The following CFHR3 variants were observed in gnomAD, a reference collection of about 807,000 sequenced individuals.
CFHR3 encodes the protein complement factor H related 3.
Under a neutral mutation model 36.0 loss-of-function variants are expected in CFHR3, and 22 were observed. The observed-to-expected ratio is 0.61, with a 90% CI of 0.44 to 0.87. The LOEUF (loss-of-function observed/expected upper bound fraction) is 0.87, where lower values mean the gene tolerates loss of function less well. CFHR3 is among the 40% of genes least tolerant of loss of function. The pLI is 0.00. For synonymous variants in CFHR3, 97 were observed against 137.4 expected (o/e 0.71, Z 2.06); for missense variants, 276 against 401.3 (o/e 0.69, Z 2.67).
intron 1 of CFHR3, among the ~76,000 whole-genome samples, chr1:196,776,187 A>C (rs1653710946): frequency 7.7e-6 from 1 of 129,498 alleles, no homozygotes; most frequent in Non-Finnish European, 1.6e-5. Context: ...TTACTTTCTT[A>C]AAAGCACTAT....
At chr1:196,782,588 G>A (rs1654001916) in intron 3 of CFHR3, among the ~76,000 whole-genome samples, 1 of 136,714 alleles carries the variant, frequency 7.3e-6, no homozygotes, top group Admixed American at 7.0e-5. Context: ...GTTCACTCAT[G>A]ATTTGGCTCT....
chr1:196,793,813 G>T lies in CFHR3; in HGVS notation c.*300G>T. On this transcript the variant is annotated 3_prime_UTR_variant, in exon 6 of 6. Coordinates refer to ENST00000367425, the MANE Select transcript of CFHR3 (RefSeq NM_021023.6). ...TGAATGGCTTTCTGCATATTGTATA[G>T]TATACCTAGACATAGAAACAAAATG... is the stretch of plus-strand genomic sequence containing the variant. 1 of 240,802 alleles carries T rather than the reference G, an allele frequency of 4.2e-6. No homozygotes were observed. Among genetic ancestry groups the T allele is most frequent in the Non-Finnish European group, 7.8e-6 (1 of 128,928 alleles). 14.9% of individuals were successfully genotyped at this position (240,802 alleles called of 1,614,324 possible). A position where few individuals can be genotyped will look rare whatever the true frequency, so the allele number is the denominator to read the frequency against.
intron 3 of CFHR3, among the ~76,000 whole-genome samples, chr1:196,787,566 A>C (rs1654259227): frequency 7.3e-6 from 1 of 137,390 alleles, no homozygotes; most frequent in African/African-American, 3.0e-5. Flanking sequence ...TACCTTGTAC[A>C]TATACCCATT....
Position 196,795,101 on chromosome 1 carries a change from TG to T in CFHR3, c.*1589del. 1 of 136,538 alleles carries T rather than the reference TG, an allele frequency of 7.3e-6. No individual in the cohort carries two copies. The highest frequency in any genetic ancestry group is 2.5e-4 in the South Asian group (1 of 3,938). The allele number at this position is 136,538 out of a possible 1,614,324, so 8.5% of individuals were successfully genotyped here. A position where few individuals can be genotyped will look rare whatever the true frequency, so the allele number is the denominator to read the frequency against. On this transcript the variant is annotated 3_prime_UTR_variant, in exon 6 of 6. Transcript: ENST00000367425. ...TCATAAATAAAATTTCAAAAATAAT[TG>T]CTGATATGGTTTGGCTGTGTCCCAC...
rs559069128 is a variant in CFHR3, at chr1:196,784,582, T to C, written c.431-3634T>C. Among the ~76,000 whole-genome samples the C allele has an allele frequency of 1.1e-4, 15 of 136,424 alleles. No homozygotes were observed. The East Asian group carries it at 2.9e-3, about 27-fold the overall frequency. 89.5% of individuals were successfully genotyped at this position (136,424 alleles called of 152,430 possible). A position where few individuals can be genotyped will look rare whatever the true frequency, so the allele number is the denominator to read the frequency against. On this transcript the variant is annotated intron_variant, in intron 3 of 5. Transcript: ENST00000367425. ...ATGGCCTTCTTTGTCTCTTTTGATC[T>C]TTGTTGGTTTAAAGTTTGTTTCATC...
intron 3 of CFHR3, among the ~76,000 whole-genome samples, chr1:196,783,743 T>C (rs61822222): frequency 0.26 from 34,887 of 135,350 alleles, 8,887 homozygotes; most frequent in East Asian, 0.41. Flanking sequence ...GTTGATCCTT[T>C]CAAAAAACCA....
chr1:196,788,322 T>C lies in CFHR3; in HGVS notation c.537T>C (p.Tyr179=), dbSNP rs963937303. ...KEIQYKCKPG[Y]ATADGNSSGS... ...TACAATATAAATGTAAACCAGGATA[T>C]GCAACAGCAGATGGAAATTCTTCAG... Residue 179 remains tyrosine (Y), a synonymous_variant, in exon 4 of 6, where the codon TAT becomes TAC. Coordinates refer to ENST00000367425, the MANE Select transcript of CFHR3 (RefSeq NM_021023.6). 2 of 1,527,834 alleles carry C rather than the reference T, an allele frequency of 1.3e-6. No individual in the cohort carries two copies. Among genetic ancestry groups the C allele is most frequent in the East Asian group, 2.2e-5 (1 of 44,534 alleles). The allele number at this position is 1,527,834 out of a possible 1,614,324, so 94.6% of individuals were successfully genotyped here.
intron 3 of CFHR3, among the ~76,000 whole-genome samples, chr1:196,784,166 G>T (rs1448076881): frequency 2.2e-5 from 3 of 136,536 alleles, no homozygotes; most frequent in Non-Finnish European, 4.7e-5. Flanking sequence ...TGGTCTGAGA[G>T]ACAGTTTGTT....
rs796535543 is a variant in CFHR3, at chr1:196,775,450, CATT to C, written c.58+508_58+510del. ...TAAGAAAGCTGCTAAAACTAATTAA[CATT>C]AATATCAACTTACTACGTCAACAAA... On this transcript the variant is annotated intron_variant, in intron 1 of 5. Transcript: ENST00000367425. 2.6e-4 allele frequency among the ~76,000 whole-genome samples: 35 copies of C among 136,700 alleles called. 7 individuals carry two copies. The highest frequency in any genetic ancestry group is 1.0e-3 in the African/African-American group (34 of 32,938). The allele number at this position is 136,700 out of a possible 152,430, so 89.7% of individuals were successfully genotyped here.
chr1:196,783,644 G>A lies in CFHR3; in HGVS notation c.430+3671G>A, dbSNP rs1317097944. On this transcript the variant is annotated intron_variant, in intron 3 of 5. Coordinates refer to ENST00000367425, the MANE Select transcript of CFHR3 (RefSeq NM_021023.6). ...AGTTTGTATTTCTGTGGGATTGGTGGTGATATCCCCTTTATCATTTTTTAT... is the reference window on the plus strand; with the variant it reads ...AGTTTGTATTTCTGTGGGATTGGTGATGATATCCCCTTTATCATTTTTTAT... Among the ~76,000 whole-genome samples the A allele has an allele frequency of 4.5e-5, 6 of 134,480 alleles. 1 individual carries two copies. Among genetic ancestry groups the A allele is most frequent in the Non-Finnish European group, 7.8e-5 (5 of 64,008 alleles). 88.2% of individuals were successfully genotyped at this position (134,480 alleles called of 152,430 possible).
chr1:196,784,014 G>A lies in CFHR3; in HGVS notation c.430+4041G>A, dbSNP rs577265573. ...TCTGGTATGTTGTGTCTTTGTTCTC[G>A]TTGGTTTCAAAGAACATCTTTATTT... On this transcript the variant is annotated intron_variant, in intron 3 of 5. Transcript: ENST00000367425. Among the ~76,000 whole-genome samples, 18 of 135,918 alleles carry A rather than the reference G, an allele frequency of 1.3e-4. 2 individuals are homozygous for A. Among genetic ancestry groups the A allele is most frequent in the South Asian group, 1.0e-3 (4 of 3,818 alleles). The allele number at this position is 135,918 out of a possible 152,430, so 89.2% of individuals were successfully genotyped here.
intron 5 of CFHR3, among the ~76,000 whole-genome samples, chr1:196,790,478 G>A (rs1231257486): frequency 1.5e-5 from 2 of 134,876 alleles, no homozygotes; most frequent in East Asian, 3.9e-4. Context: ...TGTAGTCCCA[G>A]CACTTTGGAA....
chr1:196,781,306 G>T (rs1396352719), intron 3 of CFHR3, among the ~76,000 whole-genome samples: 1 of 134,922 alleles, frequency 7.4e-6, no homozygotes, highest in Non-Finnish European at 1.6e-5. Context: ...TAGTCCTTTG[G>T]GTATATACCC....
chr1:196,785,868 G>A (rs894191085), intron 3 of CFHR3, among the ~76,000 whole-genome samples: 1 of 137,050 alleles, frequency 7.3e-6, no homozygotes, highest in Admixed American at 7.0e-5. Context: ...CTTTGGAGGA[G>A]GAGAGGTGCT....
At position 196,785,588 on chromosome 1, in the gene CFHR3, G is replaced by GC. The variant is rs2124854113; in HGVS notation, c.431-2628_431-2627insC. 1.5e-5 allele frequency among the ~76,000 whole-genome samples: 2 copies of GC among 136,868 alleles called. 1 individual carries two copies. Among genetic ancestry groups the GC allele is most frequent in the African/African-American group, 6.1e-5 (2 of 32,760 alleles). The allele number at this position is 136,868 out of a possible 152,430, so 89.8% of individuals were successfully genotyped here. On this transcript the variant is annotated intron_variant, in intron 3 of 5. Transcript: ENST00000367425. ...ATCACTGATACCCTTTCTTCCAGAT[G>GC]ATCACATCGGCTCCTGAGGCTTCTG...
intron 3 of CFHR3, among the ~76,000 whole-genome samples, chr1:196,787,665 TTTC>T (rs1275259599): frequency 7.3e-6 from 1 of 137,130 alleles, no homozygotes; most frequent in Non-Finnish European, 1.5e-5. Context: ...TCTTGCTTGC[TTTC>T]TTTTTTCTGC....
rs2124866429 is a variant in CFHR3, at chr1:196,792,920, A to T, written c.797-397A>T. On this transcript the variant is annotated intron_variant, in intron 5 of 5. Coordinates refer to ENST00000367425, the MANE Select transcript of CFHR3 (RefSeq NM_021023.6). ...AGAATTAAATTAGCAAAATGTGAGT[A>T]CATTTGGAGTGCTTGTAGTCACGGC... 1.5e-5 allele frequency among the ~76,000 whole-genome samples: 2 copies of T among 136,640 alleles called. 1 individual carries two copies. Among genetic ancestry groups the T allele is most frequent in the Non-Finnish European group, 3.1e-5 (2 of 64,546 alleles). The allele number at this position is 136,640 out of a possible 152,430, so 89.6% of individuals were successfully genotyped here.
intron 5 of CFHR3, among the ~76,000 whole-genome samples, chr1:196,791,824 T>C (rs1654437608): frequency 7.3e-6 from 1 of 136,064 alleles, no homozygotes; most frequent in Admixed American, 7.1e-5. Context: ...TTAAATTTGA[T>C]TGACTGAGGA....
chr1:196,785,294 T>C (rs1321417370), intron 3 of CFHR3, among the ~76,000 whole-genome samples: 3 of 134,788 alleles, frequency 2.2e-5, no homozygotes, highest in African/African-American at 9.5e-5. Context: ...GGAGTTGCTC[T>C]TCTCTAGGAG....
Sources: gnomAD v4.1 joint callset for allele counts (sites outside exome capture counted in the v4.1 genomes callset) on GRCh38, gnomAD v4.1.1 for gene constraint, MANE v1.5 for transcripts, NCBI Gene and HGNC (gene_info 2026-07-23, HGNC 2026-07-21) for gene names.